SDK1: variants seen among roughly 807,000 people sequenced by gnomAD.
The protein encoded by SDK1 is sidekick cell adhesion molecule 1, also known as protein sidekick-1.
Under a neutral mutation model 245.5 loss-of-function variants are expected in SDK1, and 157 were observed. The ratio of observed to expected loss-of-function variants is 0.64; its 90% confidence interval spans 0.56 to 0.73. The LOEUF (loss-of-function observed/expected upper bound fraction) is 0.73. Ranked by LOEUF, SDK1 falls within the 30% of genes least tolerant of loss-of-function variation. SDK1 has a pLI of 0.00. For synonymous variants in SDK1, 1,647 were observed against 1,278.5 expected (o/e 1.29, Z -6.15); for missense variants, 3,583 against 3,002.3 (o/e 1.19, Z -4.52).
intron 3 of SDK1, 41 bp downstream of exon 3, chr7:3,639,151 A>G: frequency 8.6e-7 from 1 of 1,162,444 alleles, no homozygotes; most frequent in Non-Finnish European, 1.2e-6. Context: ...TTAAAGAACA[A>G]AGTGTCGCTG....
chr7:3,625,292 T>C (rs935938313), intron 2 of SDK1, among the ~76,000 whole-genome samples: 4 of 152,180 alleles, frequency 2.6e-5, no homozygotes, highest in East Asian at 1.9e-4. Flanking sequence ...TTTACAAATA[T>C]TTACAAGTTT....
At chr7:4,156,238 G>T (rs987976294) in intron 30 of SDK1, among the ~76,000 whole-genome samples, 1 of 152,166 alleles carries the variant, frequency 6.6e-6, no homozygotes, top group African/African-American at 2.4e-5. Context: ...GGTGGCGCAG[G>T]GGGAGGAGGC....
At chr7:3,492,436 G>A (rs781773978) in intron 1 of SDK1, among the ~76,000 whole-genome samples, 9 of 152,224 alleles carry the variant, frequency 5.9e-5, no homozygotes, top group Non-Finnish European at 1.3e-4. Flanking sequence ...GGAGCTTGCG[G>A]TGAGCCGAGA....
At chr7:3,527,242 A>G (rs754882199) in intron 1 of SDK1, among the ~76,000 whole-genome samples, 47 of 152,246 alleles carry the variant, frequency 3.1e-4, no homozygotes, top group Non-Finnish European at 6.2e-4. Flanking sequence ...TGCTATGGTA[A>G]ATAAGATGCC....
chr7:4,113,233 TCTTTTCCTTCTTAC>T, intron 23 of SDK1, 42 bp from the exon 24 acceptor site: 1 of 1,578,144 alleles, frequency 6.3e-7, no homozygotes, highest in South Asian at 1.2e-5. Flanking sequence ...GTGGTTTCGT[TCTTTTCCTTCTTAC>T]CTTTGCTTTG....
intron 4 of SDK1, among the ~76,000 whole-genome samples, chr7:3,683,029 C>T (rs140296029): frequency 1.8e-4 from 27 of 152,254 alleles, no homozygotes; most frequent in African/African-American, 3.1e-4. Flanking sequence ...CTACCACGCG[C>T]GGCCTGGATT....
At chr7:3,888,934 T>C (rs1046671272) in intron 5 of SDK1, among the ~76,000 whole-genome samples, 1 of 152,242 alleles carries the variant, frequency 6.6e-6, no homozygotes, top group African/African-American at 2.4e-5. Flanking sequence ...AAAAAGGAAC[T>C]ATGGCTCTTT....
chr7:4,040,815 C>T (rs956572945), intron 17 of SDK1, among the ~76,000 whole-genome samples: 1 of 152,172 alleles, frequency 6.6e-6, no homozygotes, highest in Non-Finnish European at 1.5e-5. Context: ...TTACTGTACA[C>T]GTGGTGACAA....
At chr7:3,860,026 T>G (rs1780652181) in intron 5 of SDK1, among the ~76,000 whole-genome samples, 1 of 151,918 alleles carries the variant, frequency 6.6e-6, no homozygotes, top group Non-Finnish European at 1.5e-5. Flanking sequence ...TTCACGCCAT[T>G]CTCCTGCCTC....
chr7:3,411,422 T>C (rs1362233328), intron 1 of SDK1, among the ~76,000 whole-genome samples: 1 of 152,172 alleles, frequency 6.6e-6, no homozygotes, highest in Non-Finnish European at 1.5e-5. Flanking sequence ...TCCAATAACA[T>C]AGATGAATCA....
intron 22 of SDK1, among the ~76,000 whole-genome samples, chr7:4,103,251 C>T (rs190122403): frequency 6.6e-6 from 1 of 151,968 alleles, no homozygotes; most frequent in Admixed American, 6.5e-5. Context: ...CCACCTTCTT[C>T]GGCCTCCCAA....
In SDK1 at chr7:4,178,503, G is replaced by A. The variant is rs373316963; in HGVS notation, c.5015G>A (p.Arg1672His). 41 of 1,613,420 alleles carry A rather than the reference G, an allele frequency of 2.5e-5. No individual in the cohort carries two copies. The highest frequency in any genetic ancestry group is 1.6e-4 in the Middle Eastern group (1 of 6,084). The change falls in exon 35 of 45, where the codon CGC becomes CAC. Residue 1672 changes from arginine (R) to histidine (H), a missense_variant. Transcript: ENST00000404826. ...CCTGCAGATTTAAAGAAGTACCGGC[G>A]CTATGAAGTAATAATGACCGCCTAT... ...CELTHLKKYR[R>H]YEVIMTAYNI...
chr7:3,830,392 T>C (rs1193368667), intron 5 of SDK1, among the ~76,000 whole-genome samples: 1 of 152,226 alleles, frequency 6.6e-6, no homozygotes, highest in Non-Finnish European at 1.5e-5. Flanking sequence ...TGTCCCCTTG[T>C]TAAATGTCTC....
chr7:4,053,079 T>G (rs1378912258), intron 19 of SDK1, among the ~76,000 whole-genome samples: 1 of 140,774 alleles, frequency 7.1e-6, no homozygotes, highest in Non-Finnish European at 1.5e-5. Context: ...ATAGTGAGAC[T>G]CTGTCTCAAA....
At chr7:3,576,989 G>A (rs1050000692) in intron 1 of SDK1, among the ~76,000 whole-genome samples, 2 of 151,950 alleles carry the variant, frequency 1.3e-5, no homozygotes, top group African/African-American at 4.8e-5. Flanking sequence ...CACGGTGGAT[G>A]GACTTCCATC....
chr7:4,136,214 A>G (rs1054944174), intron 28 of SDK1, among the ~76,000 whole-genome samples: 10 of 152,198 alleles, frequency 6.6e-5, no homozygotes, highest in African/African-American at 2.4e-4. Flanking sequence ...ATTGGCTTGT[A>G]ATTGTAATGC....
chr7:3,413,824 A>G (rs544939058), intron 1 of SDK1, among the ~76,000 whole-genome samples: 2 of 152,318 alleles, frequency 1.3e-5, no homozygotes, highest in South Asian at 2.1e-4. Flanking sequence ...TGCCATCTCT[A>G]CAAAAAATTA....
intron 4 of SDK1, among the ~76,000 whole-genome samples, chr7:3,696,133 C>G (rs908050264): frequency 2.0e-5 from 3 of 152,098 alleles, no homozygotes; most frequent in Non-Finnish European, 4.4e-5. Flanking sequence ...TTTCCTCTTG[C>G]TCCCATGTCT....
intron 1 of SDK1, among the ~76,000 whole-genome samples, chr7:3,542,544 G>A (rs557458606): frequency 2.0e-5 from 3 of 152,158 alleles, no homozygotes; most frequent in Non-Finnish European, 4.4e-5. Flanking sequence ...CCTATGGTAG[G>A]TTAGCATTTA....
Sources: gnomAD v4.1 joint callset for allele counts (sites outside exome capture counted in the v4.1 genomes callset) on GRCh38, gnomAD v4.1.1 for gene constraint, MANE v1.5 for transcripts, NCBI Gene and HGNC (gene_info 2026-07-23, HGNC 2026-07-21) for gene names.